The following ZKSCAN2 variants were observed in gnomAD, a reference collection of about 807,000 sequenced individuals.
ZKSCAN2 encodes zinc finger with KRAB and SCAN domains 2.
ZKSCAN2 carries 38 observed loss-of-function variants against 90.5 expected under a neutral mutation model. The observed-to-expected ratio is 0.42, with a 90% confidence interval of 0.32 to 0.55. The LOEUF is 0.55. ZKSCAN2 is among the 20% of genes least tolerant of loss of function. The probability of loss-of-function intolerance (pLI) is 0.11; values close to 1 mark genes in which losing one functional copy is unlikely to be tolerated. For synonymous variants in ZKSCAN2, 429 were observed against 421.6 expected (o/e 1.02, Z -0.22); for missense variants, 1,167 against 1,202.6 (o/e 0.97, Z 0.44).
intron 2 of ZKSCAN2, among the ~76,000 whole-genome samples, chr16:25,254,244 G>A (rs961921723): frequency 4.6e-5 from 7 of 152,216 alleles, no homozygotes; most frequent in Non-Finnish European, 8.8e-5. Flanking sequence ...GACTTCTGAC[G>A]GCAGGTTTAG....
rs115298610 is a variant in ZKSCAN2 at position 25,240,157 on chromosome 16, C to T, written c.2563G>A (p.Gly855Ser). The change falls in exon 7 of 7, where the codon GGT becomes AGT. Residue 855 changes from glycine to serine, a missense_variant. Transcript: ENST00000328086. ...SLIIHQRTHTGEKPYQCGECG... is the reference protein window; with the variant it reads ...SLIIHQRTHTSEKPYQCGECG... ...TCTCCACACTGATAGGGCTTCTCAC[C>T]GGTGTGCGTTCTCTGATGTATAATA... 743 of 1,614,038 alleles carry T rather than the reference C, an allele frequency of 4.6e-4. 1 individual carries two copies. In the African/African-American group the frequency reaches 7.9e-3, roughly 17 times the overall value.
intron 4 of ZKSCAN2, among the ~76,000 whole-genome samples, chr16:25,251,210 G>A (rs1010405729): frequency 6.6e-6 from 1 of 152,012 alleles, no homozygotes; most frequent in Non-Finnish European, 1.5e-5. Context: ...TTTGCTTAAG[G>A]AGGTTGAGGG....
At chr16:25,242,599 A>C (rs949871229) in intron 6 of ZKSCAN2, among the ~76,000 whole-genome samples, 1 of 152,168 alleles carries the variant, frequency 6.6e-6, no homozygotes, top group African/African-American at 2.4e-5. Context: ...GGACATGGAG[A>C]TATGTAGAGC....
Position 25,243,946 on chromosome 16 carries a change from C to A in ZKSCAN2, c.1820G>T (p.Gly607Val), listed in dbSNP as rs988950462. Residue 607 changes from glycine to valine, a missense_variant, in exon 6 of 7, where the codon GGG (glycine) becomes GTG (valine). Physicochemically the swap from Gly to Val is moderately radical, Grantham distance 109 (BLOSUM62 -3). Transcript: ENST00000328086. ...TTCCTGGGGTTCAACCTCAATACCCCCTCTTTCTTGCCTTGAAGGTGATGG... is the reference window on the plus strand; with the variant it reads ...TTCCTGGGGTTCAACCTCAATACCCACTCTTTCTTGCCTTGAAGGTGATGG... ...EVPSPSRQER[G>V]GIEVEPQEPT... The A allele has an allele frequency of 1.9e-6, 3 of 1,614,140 alleles. No homozygotes were observed. The highest frequency in any genetic ancestry group is 1.7e-5 in the Admixed American group (1 of 60,020).
rs1282306227 is a variant in ZKSCAN2 at position 25,257,318 on chromosome 16, C to A, written c.-191G>T. 1.2e-5 allele frequency: 16 copies of A among 1,371,356 alleles called. No homozygotes were observed. The African/African-American group carries it at 2.0e-4, about 18-fold the overall frequency. 84.9% of individuals were successfully genotyped at this position (1,371,356 alleles called of 1,614,324 possible). On this transcript the variant is annotated 5_prime_UTR_variant, in exon 1 of 7. Coordinates refer to ENST00000328086, the MANE Select transcript of ZKSCAN2 (RefSeq NM_001012981.5). ...AGGCCCTTGAAAAGGTGAACGTATACTCTAAGATGCAAAAGCCTGGCCTCT... is the reference window on the plus strand; with the variant it reads ...AGGCCCTTGAAAAGGTGAACGTATAATCTAAGATGCAAAAGCCTGGCCTCT...
chr16:25,246,572 A>G (rs1962936044), intron 5 of ZKSCAN2, 135 bp downstream of exon 5: 3 of 856,136 alleles, frequency 3.5e-6, no homozygotes, highest in Non-Finnish European at 5.7e-6. Flanking sequence ...TACTTCAGTG[A>G]TGTGGCCACA....
Position 25,255,141 on chromosome 16 carries a change from G to A in ZKSCAN2, c.586+65C>T, listed in dbSNP as rs113303026. On this transcript the variant is annotated intron_variant, in intron 2 of 6. Transcript: ENST00000328086. ...AGGCCCTCCACTGCACATTCACAGC[G>A]TTGGGGTACTGCGGAAATCTGCCCC... 626 of 1,509,368 alleles carry A rather than the reference G, an allele frequency of 4.1e-4. No homozygotes were observed. The African/African-American group carries it at 5.5e-3, about 13-fold the overall frequency. 93.5% of individuals were successfully genotyped at this position (1,509,368 alleles called of 1,614,324 possible).
At chr16:25,245,207 C>A (rs1423100113) in intron 5 of ZKSCAN2, among the ~76,000 whole-genome samples, 4 of 152,138 alleles carry the variant, frequency 2.6e-5, no homozygotes, top group Non-Finnish European at 4.4e-5. Context: ...AGGGCTCAAG[C>A]GACCCTCTCG....
At position 25,237,856 on chromosome 16, in the gene ZKSCAN2, C is replaced by G. The variant is rs1276673226; in HGVS notation, c.*1960G>C. On this transcript the variant is annotated 3_prime_UTR_variant, in exon 7 of 7. Transcript: ENST00000328086. ...TTACATCTTCTCTAGAGCTGGAATT[C>G]CAGAACATCTACACAATATAAACAC... 1 of 152,218 alleles carries G rather than the reference C, an allele frequency of 6.6e-6. No homozygotes were observed. The highest frequency in any genetic ancestry group is 1.9e-4 in the East Asian group (1 of 5,202). 9.4% of individuals were successfully genotyped at this position (152,218 alleles called of 1,614,324 possible).
intron 4 of ZKSCAN2, among the ~76,000 whole-genome samples, chr16:25,250,003 T>C (rs1962996501): frequency 6.6e-6 from 1 of 151,908 alleles, no homozygotes; most frequent in African/African-American, 2.4e-5. Flanking sequence ...TATAATGGAG[T>C]ACTAGCCAGT....
chr16:25,257,146 A>G lies in ZKSCAN2; in HGVS notation c.-19T>C. The G allele has an allele frequency of 6.4e-7, 1 of 1,568,466 alleles. No individual in the cohort carries two copies. Among genetic ancestry groups the G allele is most frequent in the Non-Finnish European group, 8.6e-7 (1 of 1,158,058 alleles). On this transcript the variant is annotated 5_prime_UTR_variant, in exon 1 of 7. Transcript: ENST00000328086. ...CAGCCATGCTGCAGCCCAGGGGTCA[A>G]CTTCACGTCTAGCTCAAGGTGGGGA...
chr16:25,257,119 G>A lies in ZKSCAN2; in HGVS notation c.9C>T (p.Val3=). The change falls in exon 1 of 7, where the codon GTC becomes GTT. Residue 3 remains valine (V), a synonymous_variant. Transcript: ENST00000328086. The stretch of plus-strand genomic sequence containing the variant: ...GCGCGTCGATCTGAGAGTCGAGGGC[G>A]ACAGCCATGCTGCAGCCCAGGGGTC... The part of the protein sequence containing the change: MA[V]ALDSQIDAPL... 6.2e-7 allele frequency: 1 copy of A among 1,600,630 alleles called. No individual in the cohort carries two copies. Among genetic ancestry groups the A allele is most frequent in the Non-Finnish European group, 8.5e-7 (1 of 1,172,352 alleles).
rs1256636117 is a variant in ZKSCAN2 at position 25,237,697 on chromosome 16, T to C, written c.*2119A>G. 1 of 152,252 alleles carries C rather than the reference T, an allele frequency of 6.6e-6. No individual in the cohort carries two copies. The highest frequency in any genetic ancestry group is 1.5e-5 in the Non-Finnish European group (1 of 68,046). The allele number at this position is 152,252 out of a possible 1,614,324, so 9.4% of individuals were successfully genotyped here. A position where few individuals can be genotyped will look rare whatever the true frequency, so the allele number is the denominator to read the frequency against. ...TGCCCCTTCCTTCCTTTTTCTATCA[T>C]TCACTGTGGCTAGAACATGGCCTTA... On this transcript the variant is annotated 3_prime_UTR_variant, in exon 7 of 7. Coordinates refer to ENST00000328086, the MANE Select transcript of ZKSCAN2 (RefSeq NM_001012981.5).
rs917485695 is a variant in ZKSCAN2 at position 25,257,230 on chromosome 16, G to T, written c.-103C>A. ...GTTCCTGGGAGTGTGATAAGGTACGGAGGTAAAAACGGCCAGGTCGGCAGG... is the reference window on the plus strand; with the variant it reads ...GTTCCTGGGAGTGTGATAAGGTACGTAGGTAAAAACGGCCAGGTCGGCAGG... On this transcript the variant is annotated 5_prime_UTR_variant, in exon 1 of 7. Transcript: ENST00000328086. The T allele has an allele frequency of 2.1e-5, 31 of 1,494,382 alleles. No homozygotes were observed. In the African/African-American group the frequency reaches 3.9e-4, roughly 19 times the overall value. The allele number at this position is 1,494,382 out of a possible 1,614,324, so 92.6% of individuals were successfully genotyped here.
rs1322654040 is a variant in ZKSCAN2 at position 25,236,997 on chromosome 16, AAGAG to A, written c.*2815_*2818del. 6.6e-6 allele frequency: 1 copy of A among 152,604 alleles called. No individual in the cohort carries two copies. Among genetic ancestry groups the A allele is most frequent in the Non-Finnish European group, 1.5e-5 (1 of 68,044 alleles). The allele number at this position is 152,604 out of a possible 1,614,324, so 9.5% of individuals were successfully genotyped here. A position where few individuals can be genotyped will look rare whatever the true frequency, so the allele number is the denominator to read the frequency against. The stretch of plus-strand genomic sequence containing the variant: ...GTTGAACTTTCCAGCAGCCAGAACA[AAGAG>A]AGAAAAAGCAGCTTAAGTTACAAAA... On this transcript the variant is annotated 3_prime_UTR_variant, in exon 7 of 7. Transcript: ENST00000328086.
intron 1 of ZKSCAN2, 72 bp downstream of exon 1, chr16:25,256,657 A>G (rs1963106466): frequency 8.6e-6 from 13 of 1,504,474 alleles, no homozygotes; most frequent in Non-Finnish European, 1.2e-5. Flanking sequence ...TCTTTCTGCA[A>G]TACATCCCTG....
chr16:25,256,293 GCAA>G (rs1223700697), intron 1 of ZKSCAN2, among the ~76,000 whole-genome samples: 1 of 151,802 alleles, frequency 6.6e-6, no homozygotes, highest in Non-Finnish European at 1.5e-5. Flanking sequence ...GACACTGAGT[GCAA>G]CAGTAAAACG....
chr16:25,240,662 T>C lies in ZKSCAN2; in HGVS notation c.2058A>G (p.Leu686=), dbSNP rs1390928417. 6.2e-6 allele frequency: 10 copies of C among 1,614,216 alleles called. No homozygotes were observed. In the South Asian group the frequency reaches 1.1e-4, roughly 18 times the overall value. Residue 686 remains leucine, a synonymous_variant, in exon 7 of 7, where the codon TTA becomes TTG. Transcript: ENST00000328086. ...VYKDMEQHRA[L]IEKSKRVVSQ... ...AAACAACTCTTTTAGACTTTTCTAT[T>C]AATGCCCTATGCTGTTCCATGTCCT...
rs1166607810 is a variant in ZKSCAN2, at chr16:25,256,736, C to A, written c.392G>T (p.Arg131Ile). Residue 131 changes from arginine (R) to isoleucine (I), a missense_variant, in exon 1 of 7, where the codon AGA (arginine) becomes ATA (isoleucine). By Grantham distance (97) the Arg-to-Ile change is moderately conservative (BLOSUM62 -3). Coordinates refer to ENST00000328086, the MANE Select transcript of ZKSCAN2 (RefSeq NM_001012981.5). ...VHLEKETGRLRQQVSSPVHRE... is the reference protein window; with the variant it reads ...VHLEKETGRLIQQVSSPVHRE... Reference sequence around the variant, plus strand: ...TGGAAAATCCTCTCTCACCTGCTGTCTTAGTCTTCCAGTCTCTTTCTCCAA... The same window carrying A: ...TGGAAAATCCTCTCTCACCTGCTGTATTAGTCTTCCAGTCTCTTTCTCCAA... 7 of 1,611,340 alleles carry A rather than the reference C, an allele frequency of 4.3e-6. No individual in the cohort carries two copies. Among genetic ancestry groups the A allele is most frequent in the Non-Finnish European group, 5.9e-6 (7 of 1,178,810 alleles).
Sources: gnomAD v4.1 joint callset for allele counts (sites outside exome capture counted in the v4.1 genomes callset) on GRCh38, gnomAD v4.1.1 for gene constraint, MANE v1.5 for transcripts, NCBI Gene and HGNC (gene_info 2026-07-23, HGNC 2026-07-21) for gene names.